The following HTT-AS variants were observed in gnomAD, a reference collection of about 807,000 sequenced individuals.
HTT-AS encodes the protein HTT antisense RNA (head to head).
intron 2 of HTT-AS, among the ~76,000 whole-genome samples, chr4:3,062,413 C>T (rs150850132): frequency 6.6e-6 from 1 of 152,274 alleles, no homozygotes; most frequent in Non-Finnish European, 1.5e-5. Context: ...CCTGCACCCT[C>T]CCTTCCCCTG....
chr4:3,051,267 G>A (rs922712632), intron 2 of HTT-AS, among the ~76,000 whole-genome samples: 2 of 152,054 alleles, frequency 1.3e-5, no homozygotes, highest in African/African-American at 2.4e-5. Flanking sequence ...GTTTCTCCAC[G>A]TTGGTCAGGC....
intron 1 of HTT-AS, among the ~76,000 whole-genome samples, chr4:3,064,383 C>T (rs564970323): frequency 3.3e-5 from 5 of 152,160 alleles, no homozygotes; most frequent in South Asian, 4.2e-4. Context: ...CATGAGCCAC[C>T]GTGCCTGGCC....
intron 1 of HTT-AS, among the ~76,000 whole-genome samples, chr4:3,070,354 G>A (rs190434238): frequency 0.01 from 1,538 of 150,668 alleles, 9 homozygotes; most frequent in Non-Finnish European, 0.014. Flanking sequence ...GCAGTGGCTC[G>A]ATCTCAGCTC....
chr4:3,068,617 G>T (rs1432878723), intron 1 of HTT-AS, among the ~76,000 whole-genome samples: 2 of 151,218 alleles, frequency 1.3e-5, no homozygotes, highest in Non-Finnish European at 2.9e-5. Context: ...TACAACTGTT[G>T]TGTCTCTATC....
chr4:3,056,062 G>T (rs1369431748), intron 2 of HTT-AS, among the ~76,000 whole-genome samples: 1 of 152,168 alleles, frequency 6.6e-6, no homozygotes, highest in Admixed American at 6.5e-5. Flanking sequence ...ACTTATCCAT[G>T]ATCCCCAGCT....
At chr4:3,064,961 A>G (rs752003084) in intron 1 of HTT-AS, among the ~76,000 whole-genome samples, 7 of 152,258 alleles carry the variant, frequency 4.6e-5, no homozygotes, top group African/African-American at 7.2e-5. Flanking sequence ...GTTTATTTCA[A>G]TAATGCATGG....
intron 2 of HTT-AS, among the ~76,000 whole-genome samples, chr4:3,052,386 T>C (rs1560528624): frequency 6.6e-6 from 1 of 152,282 alleles, no homozygotes; most frequent in East Asian, 1.9e-4. Flanking sequence ...TAAAAGTAGA[T>C]ATTCTGGCTC....
chr4:3,061,746 C>G (rs1161694874), intron 2 of HTT-AS, among the ~76,000 whole-genome samples: 1 of 149,800 alleles, frequency 6.7e-6, no homozygotes, highest in African/African-American at 2.5e-5. Context: ...CTTTGGGAAG[C>G]CGAGGCGGGC....
chr4:3,068,376 C>T (rs1259615238), intron 1 of HTT-AS, among the ~76,000 whole-genome samples: 3 of 151,026 alleles, frequency 2.0e-5, no homozygotes, highest in African/African-American at 7.3e-5. Context: ...CAACTGCCGC[C>T]TTTGATTCGA....
rs553476405 is a variant in HTT-AS, at chr4:3,053,217, T to A, written n.1381-3519A>T. 2.0e-5 allele frequency among the ~76,000 whole-genome samples: 3 copies of A among 152,274 alleles called. No homozygotes were observed. The South Asian group carries it at 6.2e-4, about 32-fold the overall frequency. On this transcript the variant is annotated intron_variant and non_coding_transcript_variant, in intron 2 of 2. Transcript: ENST00000664062. ...TCTGTCTGTGTAGTTATATATGTGT[T>A]GTGTGTTTAATGTTTATATAAAAGA...
rs575601230 is a variant in HTT-AS, at chr4:3,049,995, G to C, written n.1381-297C>G. Among the ~76,000 whole-genome samples, 6 of 151,096 alleles carry C rather than the reference G, an allele frequency of 4.0e-5. No individual in the cohort carries two copies. The South Asian group carries it at 6.3e-4, about 16-fold the overall frequency. On this transcript the variant is annotated intron_variant and non_coding_transcript_variant, in intron 2 of 2. Transcript: ENST00000664062. ...GATGGAATCTCTGTCACCCAGGCTGGAGTGCAGCGGTGCAATCTCGGCTCA... is the reference window on the plus strand; with the variant it reads ...GATGGAATCTCTGTCACCCAGGCTGCAGTGCAGCGGTGCAATCTCGGCTCA...
chr4:3,070,866 G>A (rs1378294926), intron 1 of HTT-AS, among the ~76,000 whole-genome samples: 3 of 152,148 alleles, frequency 2.0e-5, no homozygotes, highest in East Asian at 3.9e-4. Context: ...GATAAATTAC[G>A]GGAAATGTTT....
intron 2 of HTT-AS, among the ~76,000 whole-genome samples, chr4:3,057,606 G>C (rs892429714): frequency 6.6e-6 from 1 of 152,064 alleles, no homozygotes; most frequent in Non-Finnish European, 1.5e-5. Flanking sequence ...GATGGCCGCT[G>C]GTTGGCTATT....
Position 3,051,155 on chromosome 4 carries a change from T to C in HTT-AS, n.1381-1457A>G, listed in dbSNP as rs563733497. Among the ~76,000 whole-genome samples, 295 of 151,078 alleles carry C rather than the reference T, an allele frequency of 2.0e-3. 1 individual carries two copies. The highest frequency in any genetic ancestry group is 6.7e-3 in the African/African-American group (274 of 41,202). Reference sequence around the variant, plus strand: ...GATCTCGGCTACCGCAACCTCTGCCTCCCAGGTTCAAGTAATTCTCCTGCC... The same window carrying C: ...GATCTCGGCTACCGCAACCTCTGCCCCCCAGGTTCAAGTAATTCTCCTGCC... On this transcript the variant is annotated intron_variant and non_coding_transcript_variant, in intron 2 of 2. Transcript: ENST00000664062.
downstream of HTT-AS, among the ~76,000 whole-genome samples, chr4:3,047,411 T>G (rs1053896149): frequency 1.3e-5 from 2 of 152,214 alleles, no homozygotes; most frequent in African/African-American, 4.8e-5. Flanking sequence ...CAATCATTAG[T>G]TTGTGGCATT....
chr4:3,069,768 G>A lies in HTT-AS; in HGVS notation n.113+4658C>T, dbSNP rs113881289. 7.6e-3 allele frequency among the ~76,000 whole-genome samples: 1,155 copies of A among 152,238 alleles called. 17 individuals carry two copies. Among genetic ancestry groups the A allele is most frequent in the African/African-American group, 0.026 (1,089 of 41,542 alleles). On this transcript the variant is annotated intron_variant and non_coding_transcript_variant, in intron 1 of 2. Transcript: ENST00000664062. ...AAGGTTTCTGTCTGCAGCTGGGCCC[G>A]TGCTCTTTACCAGCTCCTGGCTTTC...
intron 1 of HTT-AS, among the ~76,000 whole-genome samples, chr4:3,065,327 G>A (rs1482948539): frequency 3.3e-5 from 5 of 151,140 alleles, no homozygotes; most frequent in African/African-American, 9.8e-5. Context: ...CACGCCCCCC[G>A]CCTCCCAGGT....
intron 1 of HTT-AS, among the ~76,000 whole-genome samples, chr4:3,071,140 C>A (rs1712165542): frequency 6.6e-6 from 1 of 152,208 alleles, no homozygotes; most frequent in Non-Finnish European, 1.5e-5. Flanking sequence ...GATCCATTGC[C>A]TCCCTGGATG....
Position 3,063,968 on chromosome 4 carries a change from A to C in HTT-AS, n.114-268T>G, listed in dbSNP as rs573214869. On this transcript the variant is annotated intron_variant and non_coding_transcript_variant, in intron 1 of 2. Coordinates refer to ENST00000664062, the Ensembl canonical transcript of HTT-AS. ...AATCCTGAGAACTTCCTGGGTGAGC[A>C]TCTTTTGTTCTAATGAGGTGACTCT... Among the ~76,000 whole-genome samples the C allele has an allele frequency of 1.2e-4, 18 of 152,260 alleles. No homozygotes were observed. In the South Asian group the frequency reaches 3.7e-3, roughly 32 times the overall value.
Sources: allele counts gnomAD v4.1 joint callset (sites outside exome capture counted in the v4.1 genomes callset), GRCh38; gene constraint gnomAD v4.1.1; transcripts MANE v1.5; gene names NCBI Gene and HGNC (gene_info 2026-07-23, HGNC 2026-07-21).